Variants in MYO1B observed in about 807,000 individuals in gnomAD.
The protein encoded by MYO1B is myosin IB, also known as unconventional myosin-Ib.
Under a neutral mutation model 159.7 loss-of-function variants are expected in MYO1B, and 72 were observed. The observed-to-expected ratio is 0.45, with a 90% CI of 0.37 to 0.55. The LOEUF is 0.55. Ranked by LOEUF, MYO1B falls within the 20% of genes least tolerant of loss-of-function variation. The pLI is 0.00. For missense variants in MYO1B, 1,062 were observed against 1,364.8 expected (o/e 0.78, Z 3.50); for synonymous variants, 468 against 473.8 (o/e 0.99, Z 0.16).
intron 3 of MYO1B, among the ~76,000 whole-genome samples, chr2:191,311,401 A>G (rs1290315294): frequency 6.6e-6 from 1 of 152,194 alleles, no homozygotes; most frequent in Admixed American, 6.5e-5. Context: ...TTACTGGCTT[A>G]AGACCGGAGG....
Position 191,329,996 on chromosome 2 carries a change from C to T in MYO1B, c.313C>T (p.Leu105Phe). 1 of 1,612,450 alleles carries T rather than the reference C, an allele frequency of 6.2e-7. No individual in the cohort carries two copies. Residue 105 changes from leucine (L) to phenylalanine (F), a missense_variant, in exon 4 of 31, where the codon CTC becomes TTC. By Grantham distance (22) the Leu-to-Phe change is conservative (BLOSUM62 0). This residue lies in a region of MYO1B where 415 missense variants were observed against 544.0 expected (regional missense o/e 0.76). Transcript: ENST00000392318. ...LRDQDKDQCI[L>F]ITGESGAGKT... ...AGATCAAGATAAGGACCAATGTATTCTCATTACTGGGGAAAGTGGAGCAGG... is the reference window on the plus strand; with the variant it reads ...AGATCAAGATAAGGACCAATGTATTTTCATTACTGGGGAAAGTGGAGCAGG...
Position 191,424,225 on chromosome 2 carries a change from G to A in MYO1B, c.*265G>A, listed in dbSNP as rs1028781803. 2.3e-6 allele frequency: 1 copy of A among 428,444 alleles called. No individual in the cohort carries two copies. Among genetic ancestry groups the A allele is most frequent in the Non-Finnish European group, 4.2e-6 (1 of 240,942 alleles). 26.5% of individuals were successfully genotyped at this position (428,444 alleles called of 1,614,324 possible). A position where few individuals can be genotyped will look rare whatever the true frequency, so the allele number is the denominator to read the frequency against. ...GTTCTTCCTTTAGTCATCATGTTAGGTCTGTGTACCCTAAATCAGCATATT... is the reference window on the plus strand; with the variant it reads ...GTTCTTCCTTTAGTCATCATGTTAGATCTGTGTACCCTAAATCAGCATATT... On this transcript the variant is annotated 3_prime_UTR_variant, in exon 31 of 31. Coordinates refer to ENST00000392318, the MANE Select transcript of MYO1B (RefSeq NM_001130158.3).
At chr2:191,352,482 C>G (rs559800775) in intron 7 of MYO1B, among the ~76,000 whole-genome samples, 1 of 152,098 alleles carries the variant, frequency 6.6e-6, no homozygotes, top group Admixed American at 6.5e-5. Flanking sequence ...AAAATAACTT[C>G]AGTTTTAAAT....
intron 3 of MYO1B, among the ~76,000 whole-genome samples, chr2:191,306,767 G>A (rs1689674499): frequency 6.6e-6 from 1 of 152,106 alleles, no homozygotes; most frequent in African/African-American, 2.4e-5. Flanking sequence ...AGAGTCCCAG[G>A]CAACCCCTGG....
chr2:191,257,645 T>C (rs1403431078), intron 1 of MYO1B, among the ~76,000 whole-genome samples: 2 of 152,224 alleles, frequency 1.3e-5, no homozygotes, highest in Non-Finnish European at 2.9e-5. Flanking sequence ...CAGGAATTTA[T>C]TCTTGGCAGT....
chr2:191,309,173 C>T (rs1192221869), intron 3 of MYO1B, among the ~76,000 whole-genome samples: 1 of 152,168 alleles, frequency 6.6e-6, no homozygotes, highest in Non-Finnish European at 1.5e-5. Flanking sequence ...ACGCTTCAAA[C>T]CAGACTTAGG....
In MYO1B at chr2:191,419,653, G is replaced by C. The variant is rs986586513; in HGVS notation, c.3287+3411G>C. On this transcript the variant is annotated intron_variant, in intron 30 of 30. Transcript: ENST00000392318. ...ATCTTAGGAGAAGACAGCCCCATGT[G>C]TATTATTACCCCTGAAGACTTTCCA... is the stretch of plus-strand genomic sequence containing the variant. 2.2e-4 allele frequency among the ~76,000 whole-genome samples: 34 copies of C among 152,276 alleles called. No individual in the cohort carries two copies. The East Asian group carries it at 6.2e-3, about 28-fold the overall frequency.
Position 191,360,666 on chromosome 2 carries a change from A to G in MYO1B, c.598A>G (p.Arg200Gly). 1 of 1,613,640 alleles carries G rather than the reference A, an allele frequency of 6.2e-7. No individual in the cohort carries two copies. Among genetic ancestry groups the G allele is most frequent in the Non-Finnish European group, 8.5e-7 (1 of 1,179,714 alleles). The change falls in exon 8 of 31, where the codon AGA (arginine) becomes GGA (glycine). Residue 200 changes from arginine to glycine, a missense_variant. Arg to Gly is a moderately radical substitution (Grantham distance 125). Transcript: ENST00000392318. ...GAAATCTCGGGTTGTTAAACAGCCA[A>G]GAGGTGAAAGAAACTTCCATGTGTT... ...LEKSRVVKQPRGERNFHVFYQ... is the reference protein window; with the variant it reads ...LEKSRVVKQPGGERNFHVFYQ...
At chr2:191,384,209 A>G (rs867063243) in intron 15 of MYO1B, among the ~76,000 whole-genome samples, 102 of 152,346 alleles carry the variant, frequency 6.7e-4, no homozygotes, top group African/African-American at 2.4e-3. Flanking sequence ...GTGTGTGGAA[A>G]ACAGGAAACT....
chr2:191,355,982 G>A (rs1387695316), intron 7 of MYO1B, among the ~76,000 whole-genome samples: 1 of 152,142 alleles, frequency 6.6e-6, no homozygotes, highest in African/African-American at 2.4e-5. Context: ...TTTAATCTGT[G>A]TGTGTGCTGC....
At chr2:191,340,792 C>T (rs1692171744) in intron 4 of MYO1B, among the ~76,000 whole-genome samples, 1 of 151,636 alleles carries the variant, frequency 6.6e-6, no homozygotes. Context: ...GTGGTGCGAT[C>T]TCAGCTCACT....
chr2:191,344,520 G>A (rs1462025271), intron 5 of MYO1B, among the ~76,000 whole-genome samples: 1 of 152,110 alleles, frequency 6.6e-6, no homozygotes, highest in Non-Finnish European at 1.5e-5. Context: ...CCAAGCTTGG[G>A]CAACTATCTT....
chr2:191,331,243 G>A (rs1037564040), intron 4 of MYO1B, among the ~76,000 whole-genome samples: 11 of 149,720 alleles, frequency 7.3e-5, no homozygotes, highest in Non-Finnish European at 1.6e-4. Flanking sequence ...GGACTGGCAT[G>A]TAAGAGCCTT....
Position 191,383,357 on chromosome 2 carries a change from A to G in MYO1B, c.1353+15A>G. 1 of 1,530,286 alleles carries G rather than the reference A, an allele frequency of 6.5e-7. No individual in the cohort carries two copies. Among genetic ancestry groups the G allele is most frequent in the Non-Finnish European group, 8.8e-7 (1 of 1,133,830 alleles). The allele number at this position is 1,530,286 out of a possible 1,614,324, so 94.8% of individuals were successfully genotyped here. On this transcript the variant is annotated intron_variant, in intron 15 of 30. Coordinates refer to ENST00000392318, the MANE Select transcript of MYO1B (RefSeq NM_001130158.3). ...TAATAGAAAATGTGAGTACTTAGGTACAGTTTTCTAAAGAATGTTTTAGTC... is the reference window on the plus strand; with the variant it reads ...TAATAGAAAATGTGAGTACTTAGGTGCAGTTTTCTAAAGAATGTTTTAGTC...
chr2:191,361,617 A>T (rs549210560), intron 8 of MYO1B, among the ~76,000 whole-genome samples: 34 of 150,880 alleles, frequency 2.3e-4, no homozygotes, highest in Admixed American at 1.5e-3. Context: ...CATATACTAC[A>T]TATAGTATAA....
At chr2:191,369,385 T>G (rs1694221478) in intron 11 of MYO1B, among the ~76,000 whole-genome samples, 157 bp from the exon 12 acceptor site, 1 of 152,226 alleles carries the variant, frequency 6.6e-6, no homozygotes, top group Non-Finnish European at 1.5e-5. Flanking sequence ...CCTAATTCTC[T>G]TAAAGGTTTG....
rs114878057 is a variant in MYO1B at position 191,308,489 on chromosome 2, T to C, written c.251+12263T>C. ...GTTCAACTCAATAAACATTTGAGTG[T>C]TGTGTGCCCAGGATCCCATTCAACC... On this transcript the variant is annotated intron_variant, in intron 3 of 30. Transcript: ENST00000392318. Among the ~76,000 whole-genome samples, 1,470 of 152,296 alleles carry C rather than the reference T, an allele frequency of 9.7e-3. 13 individuals are homozygous for C. The highest frequency in any genetic ancestry group is 0.034 in the Middle Eastern group (10 of 294).
intron 1 of MYO1B, among the ~76,000 whole-genome samples, chr2:191,268,711 G>A (rs940073213): frequency 3.3e-5 from 5 of 152,312 alleles, no homozygotes; most frequent in East Asian, 3.9e-4. Context: ...AGGAGTCTGG[G>A]AAGGTTCACC....
intron 1 of MYO1B, among the ~76,000 whole-genome samples, chr2:191,265,899 C>G (rs1226753451): frequency 6.6e-6 from 1 of 152,032 alleles, no homozygotes; most frequent in Non-Finnish European, 1.5e-5. Context: ...ACCGGTTCCC[C>G]TACAGCTGGG....
Sources: gnomAD v4.1 joint callset for allele counts (sites outside exome capture counted in the v4.1 genomes callset) on GRCh38, gnomAD v4.1.1 for gene constraint, gnomAD v4.1.1 regional missense constraint, MANE v1.5 for transcripts, NCBI Gene and HGNC (gene_info 2026-07-23, HGNC 2026-07-21) for gene names.